The following ZFR variants were observed in gnomAD, a reference collection of about 807,000 sequenced individuals.
The protein encoded by ZFR is zinc finger RNA-binding protein.
ZFR carries 19 observed loss-of-function variants against 130.7 expected under a neutral mutation model. The ratio of observed to expected loss-of-function variants is 0.15; its 90% CI spans 0.10 to 0.21. The LOEUF (loss-of-function observed/expected upper bound fraction) is 0.21. Among genes scored for constraint, ZFR ranks in the 10% least tolerant of loss-of-function variants. The pLI is 1.00. For missense variants in ZFR, 872 were observed against 1,321.5 expected, an observed-to-expected ratio of 0.66 and a Z score of 5.27; for synonymous variants, 466 against 456.9, an observed-to-expected ratio of 1.02 and a Z score of -0.25.
intron 19 of ZFR, among the ~76,000 whole-genome samples, chr5:32,362,140 T>C (rs886373698): frequency 1.2e-4 from 19 of 152,186 alleles, no homozygotes; most frequent in African/African-American, 2.7e-4. Flanking sequence ...CAAAGACATT[T>C]TGGAATTTTA....
At chr5:32,373,126 G>C (rs1459983566) in intron 17 of ZFR, among the ~76,000 whole-genome samples, 1 of 152,138 alleles carries the variant, frequency 6.6e-6, no homozygotes, top group Non-Finnish European at 1.5e-5. Flanking sequence ...TGGGTGCCGT[G>C]GCTCACGCCT....
At position 32,443,618 on chromosome 5, in the gene ZFR, C is replaced by G. The variant is rs6892520; in HGVS notation, c.137+611G>C. ...AAAAACTAAAGGAACCCGATGAACA[C>G]AGTGACACCCGCAGTTTGTCAGCAG... On this transcript the variant is annotated intron_variant, in intron 2 of 19. Transcript: ENST00000265069. Among the ~76,000 whole-genome samples the G allele has an allele frequency of 1.4e-3, 207 of 152,398 alleles. 2 individuals carry two copies. The highest frequency in any genetic ancestry group is 4.7e-3 in the African/African-American group (196 of 41,598).
chr5:32,407,701 T>C (rs1753606900), intron 5 of ZFR, among the ~76,000 whole-genome samples: 1 of 152,086 alleles, frequency 6.6e-6, no homozygotes, highest in African/African-American at 2.4e-5. Context: ...GACCAATACA[T>C]TGGTTCTCAT....
At chr5:32,359,336 A>G (rs755767299) in intron 19 of ZFR, among the ~76,000 whole-genome samples, 16 of 151,750 alleles carry the variant, frequency 1.1e-4, no homozygotes, top group Admixed American at 3.3e-4. Context: ...CCCATCAACT[A>G]TCATTAGTGT....
intron 2 of ZFR, among the ~76,000 whole-genome samples, chr5:32,439,595 G>C (rs191553113): frequency 2.3e-4 from 35 of 152,018 alleles, no homozygotes; most frequent in African/African-American, 8.2e-4. Context: ...TCCACTTACT[G>C]CTATGTCCAA....
rs531165020 is a variant in ZFR, at chr5:32,403,368, T to C, written c.1254A>G (p.Lys418=). The C allele has an allele frequency of 5.6e-6, 9 of 1,613,780 alleles. No homozygotes were observed. The African/African-American group carries it at 1.2e-4, about 22-fold the overall frequency. Reference sequence around the variant, plus strand: ...CATTTGGTTCTGTTGATGGAATGGGTTTACCAAGTTTTGTGTGTAACTTAA... The same window carrying C: ...CATTTGGTTCTGTTGATGGAATGGGCTTACCAAGTTTTGTGTGTAACTTAA... ...KVVKLHTKLG[K]PIPSTEPNVV... The change falls in exon 8 of 20, where the codon AAA becomes AAG. Residue 418 remains lysine, a synonymous_variant. Transcript: ENST00000265069.
chr5:32,410,556 T>C (rs897479759), intron 5 of ZFR, among the ~76,000 whole-genome samples: 1 of 151,688 alleles, frequency 6.6e-6, no homozygotes, highest in Non-Finnish European at 1.5e-5. Flanking sequence ...TGCAGTGAGC[T>C]GAGATGGTGC....
chr5:32,379,941 C>G, intron 16 of ZFR, 134 bp downstream of exon 16: 1 of 624,384 alleles, frequency 1.6e-6, no homozygotes, highest in Non-Finnish European at 2.7e-6. Context: ...TCTATGTTAA[C>G]ATATTTTCTG....
intron 7 of ZFR, among the ~76,000 whole-genome samples, 171 bp from the exon 8 acceptor site, chr5:32,403,568 C>A (rs113708808): frequency 2.6e-4 from 39 of 152,212 alleles, no homozygotes; most frequent in African/African-American, 9.2e-4. Context: ...TCAAGATAAT[C>A]TCTGTGAAGC....
chr5:32,444,138 G>A, intron 2 of ZFR, 91 bp downstream of exon 2: 1 of 1,436,082 alleles, frequency 7.0e-7, no homozygotes, highest in Non-Finnish European at 9.3e-7. Context: ...GCTCTGGGAT[G>A]GCTGGGGACG....
intron 14 of ZFR, 57 bp from the exon 15 acceptor site, chr5:32,385,706 C>A: frequency 1.9e-6 from 3 of 1,588,370 alleles, no homozygotes; most frequent in Admixed American, 3.4e-5. Flanking sequence ...CAAACAAAAG[C>A]ACTTTCATTA....
intron 9 of ZFR, among the ~76,000 whole-genome samples, chr5:32,397,849 CTTTTTTTTTTT>C (rs70961626): frequency 9.0e-5 from 6 of 66,878 alleles, no homozygotes; most frequent in East Asian, 1.1e-3. Flanking sequence ...GCTCTTGTAT[CTTTTTTTTTTT>C]TTTTTTTTTT....
At chr5:32,441,393 T>C (rs1754469889) in intron 2 of ZFR, among the ~76,000 whole-genome samples, 1 of 152,208 alleles carries the variant, frequency 6.6e-6, no homozygotes, top group Admixed American at 6.6e-5. Context: ...AAGCAGGGGA[T>C]TGGTTCCAGG....
intron 3 of ZFR, 120 bp downstream of exon 3, chr5:32,419,701 A>G: frequency 6.9e-7 from 1 of 1,451,188 alleles, no homozygotes; most frequent in Non-Finnish European, 9.1e-7. Context: ...ACTTTTCTCT[A>G]TCAGTACATG....
intron 19 of ZFR, among the ~76,000 whole-genome samples, chr5:32,356,798 G>C (rs1420778552): frequency 6.6e-6 from 1 of 152,144 alleles, no homozygotes; most frequent in Non-Finnish European, 1.5e-5. Context: ...AAGTTCTGGA[G>C]AAAGAACTTT....
chr5:32,356,796 G>A lies in ZFR; in HGVS notation c.3046-857C>T, dbSNP rs554848685. Among the ~76,000 whole-genome samples the A allele has an allele frequency of 2.0e-5, 3 of 152,226 alleles. No individual in the cohort carries two copies. The East Asian group carries it at 5.8e-4, about 29-fold the overall frequency. ...TGTGCACTTAATGTGACAAGTTCTGGAGAAAGAACTTTTATTAATCAGTGG... is the reference window on the plus strand; with the variant it reads ...TGTGCACTTAATGTGACAAGTTCTGAAGAAAGAACTTTTATTAATCAGTGG... On this transcript the variant is annotated intron_variant, in intron 19 of 19. Transcript: ENST00000265069.
chr5:32,390,175 A>T, intron 12 of ZFR, 100 bp downstream of exon 12: 1 of 1,426,510 alleles, frequency 7.0e-7, no homozygotes, highest in Non-Finnish European at 9.4e-7. Context: ...CCAAGATTAC[A>T]AGATTATTAA....
chr5:32,388,170 GA>G (rs1473285016), intron 13 of ZFR, among the ~76,000 whole-genome samples: 1 of 152,120 alleles, frequency 6.6e-6, no homozygotes, highest in Non-Finnish European at 1.5e-5. Context: ...AATAAGAACA[GA>G]AAAACAGCAG....
chr5:32,425,537 T>C (rs1030399549), intron 2 of ZFR, among the ~76,000 whole-genome samples: 6 of 152,228 alleles, frequency 3.9e-5, no homozygotes, highest in African/African-American at 1.4e-4. Context: ...ACTTTTACTC[T>C]TTCTTTTTGA....
Sources: allele counts gnomAD v4.1 joint callset (sites outside exome capture counted in the v4.1 genomes callset), GRCh38; gene constraint gnomAD v4.1.1; transcripts MANE v1.5; gene names NCBI Gene and HGNC (gene_info 2026-07-23, HGNC 2026-07-21).